The following AP3B2 variants were observed in gnomAD, a reference collection of about 807,000 sequenced individuals.
AP3B2 encodes adaptor related protein complex 3 subunit beta 2, also known as AP-3 complex subunit beta-2.
Under a neutral mutation model 126.9 loss-of-function variants are expected in AP3B2, and 50 were observed. The observed-to-expected ratio is 0.39, with a 90% CI of 0.31 to 0.50. The LOEUF (loss-of-function observed/expected upper bound fraction) is 0.50. Ranked by LOEUF, AP3B2 falls within the 20% of genes least tolerant of loss-of-function variation. AP3B2 has a pLI of 0.79. For synonymous variants in AP3B2, 541 were observed against 565.0 expected (o/e 0.96, Z 0.60); for missense variants, 1,177 against 1,426.4 (o/e 0.83, Z 2.82).
chr15:82,691,769 T>C (rs1009124108), intron 1 of AP3B2: 9 of 1,567,294 alleles, frequency 5.7e-6, no homozygotes, highest in African/African-American at 4.1e-5. Context: ...ACCCCGGCTT[T>C]AGTATGGAGA....
rs201769141 is a variant in AP3B2 at position 82,659,592 on chromosome 15, C to T, written c.3274G>A (p.Val1092Ile). Residue 1092 changes from valine to isoleucine, a missense_variant, in exon 27 of 27, where the codon GTA (valine) becomes ATA (isoleucine). Physicochemically the swap from Val to Ile is conservative, Grantham distance 29. Transcript: ENST00000535359. ...SEKMVIGTML[V>I]KDVIQALTQ is the part of the protein sequence containing the mutation. ...GTCAGAGCCTGTATCACATCCTTTACCAGCATGGTGCCAATCACCATTTTC... is the reference window on the plus strand; with the variant it reads ...GTCAGAGCCTGTATCACATCCTTTATCAGCATGGTGCCAATCACCATTTTC... The T allele has an allele frequency of 1.5e-5, 25 of 1,613,826 alleles. No individual in the cohort carries two copies. Among genetic ancestry groups the T allele is most frequent in the Non-Finnish European group, 1.9e-5 (22 of 1,179,886 alleles).
chr15:82,663,831 C>T lies in AP3B2; in HGVS notation c.2406G>A (p.Gln802=), dbSNP rs758057253. ...SEMTSESEEE[Q]LEPASWSRKT... ...TCCTGCTCCAGGAGGCAGGTTCTAA[C>T]TGCTCCTCCTCGGACTCCGATGTCA... is the stretch of plus-strand genomic sequence containing the variant. Residue 802 remains glutamine, a synonymous_variant, in exon 20 of 27, where the codon CAG becomes CAA. Coordinates refer to ENST00000535359, the MANE Select transcript of AP3B2 (RefSeq NM_001278512.2). The T allele has an allele frequency of 1.2e-6, 2 of 1,613,778 alleles. No homozygotes were observed. Among genetic ancestry groups the T allele is most frequent in the Non-Finnish European group, 1.7e-6 (2 of 1,179,784 alleles).
In AP3B2 at chr15:82,664,280, TAGG is replaced by T. The variant is rs1313378787; in HGVS notation, c.2261+84_2261+86del. On this transcript the variant is annotated intron_variant, in intron 19 of 26. Transcript: ENST00000535359. This position sits in a 1 kb window ranked among gnomAD's most constrained non-coding sequence, Gnocchi z 4.5. Reference sequence around the variant, plus strand: ...AGCTCACGAGGGGCTCAGGGGCTCTTAGGAGACTGGCTAAAGCTCAATGCTAGC... The same window carrying T: ...AGCTCACGAGGGGCTCAGGGGCTCTTAGACTGGCTAAAGCTCAATGCTAGC... 1 of 1,599,054 alleles carries T rather than the reference TAGG, an allele frequency of 6.3e-7. No homozygotes were observed. Among genetic ancestry groups the T allele is most frequent in the African/African-American group, 1.3e-5 (1 of 74,688 alleles).
At chr15:82,684,850 A>C (rs1245961181) in intron 4 of AP3B2, among the ~76,000 whole-genome samples, 2 of 152,190 alleles carry the variant, frequency 1.3e-5, no homozygotes, top group Non-Finnish European at 2.9e-5. Context: ...AACTTGGCTA[A>C]ATGTTTGGAG....
intron 21 of AP3B2, 50 bp downstream of exon 21, chr15:82,663,510 C>T: frequency 6.3e-7 from 1 of 1,591,344 alleles, no homozygotes; most frequent in Non-Finnish European, 8.6e-7. Flanking sequence ...TGTTCTAATT[C>T]ATGCTCCCCA....
At chr15:82,703,327 C>T (rs929899448) in intron 1 of AP3B2, among the ~76,000 whole-genome samples, 6 of 151,752 alleles carry the variant, frequency 4.0e-5, no homozygotes, top group East Asian at 1.9e-4. Flanking sequence ...CAAGCACCCC[C>T]GACTCCTTCT....
At position 82,681,509 on chromosome 15, in the gene AP3B2, G is replaced by C; in HGVS notation, c.432C>G (p.Pro144=). ...LSSIRVPIIV[P]IMMLAIKEAA... is the part of the protein sequence containing the mutation. Reference sequence around the variant, plus strand: ...CTTCCTTGATAGCTAGCATCATGATGGGCACTATGATGGGCACACGGATGC... The same window carrying C: ...CTTCCTTGATAGCTAGCATCATGATCGGCACTATGATGGGCACACGGATGC... The change falls in exon 5 of 27, where the codon CCC becomes CCG. Residue 144 remains proline, a synonymous_variant. Transcript: ENST00000535359. The surrounding 1 kb of genome is among the most constrained non-coding windows in gnomAD (Gnocchi z 4.0). The C allele has an allele frequency of 6.2e-7, 1 of 1,613,956 alleles. No individual in the cohort carries two copies. The highest frequency in any genetic ancestry group is 8.5e-7 in the Non-Finnish European group (1 of 1,179,876).
chr15:82,679,850 C>A, intron 9 of AP3B2, 50 bp from the exon 10 acceptor site: 1 of 1,552,004 alleles, frequency 6.4e-7, no homozygotes, highest in Non-Finnish European at 8.9e-7. Context: ...CCAGGCCTGC[C>A]TCGCTGCCCA....
intron 15 of AP3B2, among the ~76,000 whole-genome samples, chr15:82,666,418 T>C (rs1420317372): frequency 6.6e-6 from 1 of 152,196 alleles, no homozygotes; most frequent in African/African-American, 2.4e-5. Flanking sequence ...CCTTCCTGGG[T>C]CCTTGGTATT....
chr15:82,666,174 C>A (rs932738216), intron 15 of AP3B2, among the ~76,000 whole-genome samples: 4 of 152,220 alleles, frequency 2.6e-5, no homozygotes, highest in African/African-American at 9.6e-5. Flanking sequence ...GGCTTCCACT[C>A]CTGGGGCCCG....
chr15:82,706,092 C>T (rs940761760), intron 1 of AP3B2, among the ~76,000 whole-genome samples: 2 of 152,198 alleles, frequency 1.3e-5, no homozygotes, highest in Admixed American at 6.5e-5. Context: ...CTGTTTTGGC[C>T]TAGCCCTCAT....
intron 14 of AP3B2, among the ~76,000 whole-genome samples, chr15:82,668,312 G>A (rs750081757): frequency 1.3e-5 from 2 of 152,180 alleles, no homozygotes; most frequent in Admixed American, 6.5e-5. Flanking sequence ...CCCATGCACC[G>A]CTAATAGAAT....
At chr15:82,699,766 G>C in intron 1 of AP3B2, 1 of 399,258 alleles carries the variant, frequency 2.5e-6, no homozygotes, top group Non-Finnish European at 4.4e-6. Context: ...CCGGAGTGGG[G>C]GCCCACCTTC....
In AP3B2 at chr15:82,663,177, C is replaced by T. The variant is rs373688202; in HGVS notation, c.2554G>A (p.Ala852Thr). 23 of 1,612,762 alleles carry T rather than the reference C, an allele frequency of 1.4e-5. No homozygotes were observed. Among genetic ancestry groups the T allele is most frequent in the Non-Finnish European group, 1.9e-5 (22 of 1,179,754 alleles). ...SPPAIVSTSL[A>T]ADLEGLTLTD... ...AGTGTCAGGCCCTCCAGGTCAGCAG[C>T]CAGACTGGTAGACACAATTGCTGGG... is the stretch of plus-strand genomic sequence containing the variant. Residue 852 changes from alanine to threonine, a missense_variant, in exon 22 of 27, where the codon GCT (alanine) becomes ACT (threonine). Ala to Thr is a moderately conservative substitution (Grantham distance 58). This residue lies in a region of AP3B2 where 587 missense variants were observed against 571.3 expected (regional missense o/e 1.03). Transcript: ENST00000535359.
chr15:82,702,864 T>G (rs1489806238), intron 1 of AP3B2, among the ~76,000 whole-genome samples: 3 of 152,130 alleles, frequency 2.0e-5, no homozygotes, highest in African/African-American at 7.2e-5. Flanking sequence ...AAGATCCACC[T>G]AATGACCTCG....
intron 4 of AP3B2, among the ~76,000 whole-genome samples, chr15:82,682,812 C>T (rs1391630388): frequency 1.3e-5 from 2 of 151,396 alleles, no homozygotes; most frequent in South Asian, 2.1e-4. Context: ...GTAGGCTGGG[C>T]GTGATGGCTT....
intron 25 of AP3B2, among the ~76,000 whole-genome samples, chr15:82,660,968 T>TC (rs1323125029): frequency 6.6e-6 from 1 of 152,110 alleles, no homozygotes; most frequent in Non-Finnish European, 1.5e-5. Context: ...TGACCCTCTC[T>TC]CCCTCAGGTT....
chr15:82,672,792 G>T (rs1188203848), intron 14 of AP3B2, among the ~76,000 whole-genome samples: 3 of 152,318 alleles, frequency 2.0e-5, no homozygotes, highest in Admixed American at 6.5e-5. Flanking sequence ...CTAGCAGACT[G>T]GCTCTAGAGA....
chr15:82,663,915 T>C lies in AP3B2; in HGVS notation c.2322A>G (p.Gly774=), dbSNP rs2048003891. ...TGCCCTCATCAGAGGATGACGCTTC[T>C]CCTTTTCTCTCTGGCACCTTCTTCT... ...KTKKKVPERK[G]EASSSDEGSD... The change falls in exon 20 of 27, where the codon GGA becomes GGG. Residue 774 remains glycine, a synonymous_variant. Transcript: ENST00000535359. The C allele has an allele frequency of 6.2e-7, 1 of 1,612,082 alleles. No homozygotes were observed. The highest frequency in any genetic ancestry group is 1.7e-5 in the Admixed American group (1 of 59,988).
Sources: gnomAD v4.1 joint callset for allele counts (sites outside exome capture counted in the v4.1 genomes callset) on GRCh38, gnomAD v4.1.1 for gene constraint, gnomAD v4.1.1 regional missense constraint, Gnocchi (gnomAD v3.1) non-coding constraint, MANE v1.5 for transcripts, NCBI Gene and HGNC (gene_info 2026-07-23, HGNC 2026-07-21) for gene names.